The following FAAH2 variants were observed in gnomAD, a reference collection of about 807,000 sequenced individuals.
The protein encoded by FAAH2 is fatty-acid amide hydrolase 2.
A neutral mutation model predicts 36.9 loss-of-function variants in FAAH2; 60 were observed. That is an observed-to-expected ratio of 1.63 (90% CI 1.32 to 2.02). The LOEUF is 2.02. Ranked by LOEUF, FAAH2 falls within the 30% of genes most tolerant of loss-of-function variation. The pLI is 0.00. For missense variants in FAAH2, 689 were observed against 397.5 expected, an observed-to-expected ratio of 1.73 and a Z score of -6.23; for synonymous variants, 214 against 143.8, an observed-to-expected ratio of 1.49 and a Z score of -3.49.
the FAAH2 span, chrX:57,137,333 G>A: frequency 1.3e-6 from 1 of 758,834 alleles, no homozygotes; most frequent in Middle Eastern, 7.5e-4. Flanking sequence ...CTGCTTGCAA[G>A]AGCGGGGAGG....
At chrX:57,465,452 C>T (rs2057031918) in intron 10 of FAAH2, among the ~76,000 whole-genome samples, 1 of 111,486 alleles carries the variant, frequency 9.0e-6, no homozygotes, top group African/African-American at 3.2e-5. Context: ...AGAAAAATAA[C>T]CTACCCATCA....
chrX:57,261,950 G>A, the FAAH2 span, among the ~76,000 whole-genome samples: 7,926 of 110,686 alleles, frequency 0.072, 696 homozygotes, highest in African/African-American at 0.25. Context: ...ATGAGTATAT[G>A]TGGATGCTGA....
chrX:57,245,045 G>A, the FAAH2 span, among the ~76,000 whole-genome samples: 1 of 110,228 alleles, frequency 9.1e-6, no homozygotes, highest in Non-Finnish European at 1.9e-5. Flanking sequence ...ATTTACCAAG[G>A]AAATGGAAAA....
intron 3 of FAAH2, among the ~76,000 whole-genome samples, chrX:57,316,292 G>A (rs183235771): frequency 2.7e-5 from 3 of 111,305 alleles, no homozygotes; most frequent in East Asian, 2.8e-4. Flanking sequence ...TGATGAAATC[G>A]CCATACATCC....
At chrX:57,344,379 A>G in intron 5 of FAAH2, among the ~76,000 whole-genome samples, 1 of 110,752 alleles carries the variant, frequency 9.0e-6, no homozygotes, top group East Asian at 2.8e-4. Flanking sequence ...TGTAAATGGG[A>G]TTGCATTTTT....
At chrX:57,150,076 G>A in the FAAH2 span, among the ~76,000 whole-genome samples, 1 of 112,149 alleles carries the variant, frequency 8.9e-6, no homozygotes, top group African/African-American at 3.2e-5. Context: ...GGTTTTGAGA[G>A]CGTTTCTTAA....
At chrX:57,317,426 T>A (rs2052874618) in intron 3 of FAAH2, among the ~76,000 whole-genome samples, 1 of 112,086 alleles carries the variant, frequency 8.9e-6, no homozygotes, top group African/African-American at 3.2e-5. Flanking sequence ...AAGAAGGGCA[T>A]TACATAATCA....
At chrX:57,263,390 C>T in the FAAH2 span, among the ~76,000 whole-genome samples, 2 of 111,503 alleles carry the variant, frequency 1.8e-5, no homozygotes, top group Non-Finnish European at 3.8e-5. Flanking sequence ...TATAACAAAA[C>T]ATGCACTGGA....
the FAAH2 span, among the ~76,000 whole-genome samples, chrX:57,231,645 A>T: frequency 1.8e-5 from 2 of 111,900 alleles, no homozygotes; most frequent in East Asian, 2.8e-4. Context: ...CTCACAGTAC[A>T]TCTTAGAAAC....
At chrX:57,485,012 C>T (rs1208613728) in intron 10 of FAAH2, among the ~76,000 whole-genome samples, 3 of 111,614 alleles carry the variant, frequency 2.7e-5, no homozygotes, top group South Asian at 3.8e-4. Context: ...GATAACTGGC[C>T]TGTGGTTATT....
At chrX:57,438,791 C>A (rs761387301) in intron 8 of FAAH2, among the ~76,000 whole-genome samples, 75 of 95,476 alleles carry the variant, frequency 7.9e-4, no homozygotes, top group South Asian at 1.8e-3. Context: ...GTGATGTTCC[C>A]CTTCCTGTGT....
chrX:57,282,697 G>A (rs139470886), upstream of FAAH2, among the ~76,000 whole-genome samples: 4,652 of 111,538 alleles, frequency 0.042, 106 homozygotes, highest in Non-Finnish European at 0.065. Flanking sequence ...CAGTATTTTC[G>A]GTGTTGAAAT....
At chrX:57,397,908 G>A (rs1799631716) in intron 7 of FAAH2, among the ~76,000 whole-genome samples, 1 of 98,980 alleles carries the variant, frequency 1.0e-5, no homozygotes, top group Non-Finnish European at 2.0e-5. Context: ...CTGTGTCCAT[G>A]TGTTCTCATT....
At chrX:57,266,894 G>A in the FAAH2 span, among the ~76,000 whole-genome samples, 1 of 112,425 alleles carries the variant, frequency 8.9e-6, no homozygotes, top group African/African-American at 3.2e-5. Context: ...GGCTCAACTT[G>A]CTCCCACAAG....
chrX:57,165,722 AAAAG>A, the FAAH2 span, among the ~76,000 whole-genome samples: 2 of 111,258 alleles, frequency 1.8e-5, no homozygotes, highest in South Asian at 3.8e-4. Context: ...AAAAAGAAAA[AAAAG>A]AAATTCATAT....
intron 10 of FAAH2, among the ~76,000 whole-genome samples, chrX:57,488,107 G>T (rs950073919): frequency 1.8e-5 from 2 of 111,787 alleles, no homozygotes; most frequent in Non-Finnish European, 3.8e-5. Flanking sequence ...GGATACTGGG[G>T]ATTGGGGGAA....
intron 5 of FAAH2, among the ~76,000 whole-genome samples, chrX:57,364,176 C>G (rs906915554): frequency 9.2e-6 from 1 of 108,550 alleles, no homozygotes; most frequent in East Asian, 2.9e-4. Flanking sequence ...GCTATGAATC[C>G]GTTTGGTGCA....
the FAAH2 span, among the ~76,000 whole-genome samples, chrX:57,268,152 C>T: frequency 1.8e-5 from 2 of 111,830 alleles, no homozygotes; most frequent in Admixed American, 1.9e-4. Context: ...TAGAGACGAA[C>T]ATAACCAACC....
At chrX:57,222,543 G>A in the FAAH2 span, among the ~76,000 whole-genome samples, 1 of 111,700 alleles carries the variant, frequency 9.0e-6, no homozygotes. Flanking sequence ...ACCCTTGAAA[G>A]CCTAAAACTA....
Sources: allele counts gnomAD v4.1 joint callset (sites outside exome capture counted in the v4.1 genomes callset), GRCh38; gene constraint gnomAD v4.1.1; transcripts MANE v1.5; gene names NCBI Gene and HGNC (gene_info 2026-07-23, HGNC 2026-07-21).